EFHB: variants seen among roughly 807,000 people sequenced by gnomAD.
EFHB encodes EF-hand domain family member B.
A neutral mutation model predicts 87.2 loss-of-function variants in EFHB; 91 were observed. The observed-to-expected ratio is 1.04, with a 90% CI of 0.88 to 1.24. EFHB has a LOEUF of 1.24. Among genes scored for constraint, EFHB ranks in the 50% most tolerant of loss-of-function variants. The pLI, the probability that EFHB is intolerant of heterozygous loss-of-function variation, is 0.00. For missense variants in EFHB, 1,084 were observed against 998.8 expected (o/e 1.09, Z -1.15); for synonymous variants, 325 against 333.6 (o/e 0.97, Z 0.28).
At chr3:19,924,220 T>C (rs575606381) in intron 1 of EFHB, among the ~76,000 whole-genome samples, 46 of 151,430 alleles carry the variant, frequency 3.0e-4, no homozygotes, top group African/African-American at 9.9e-4. Context: ...CTCTCTCTTT[T>C]TTTTTTTTTT....
At chr3:19,935,063 A>G (rs1348149967), upstream of EFHB, among the ~76,000 whole-genome samples, 1 of 152,082 alleles carries the variant, frequency 6.6e-6, no homozygotes, top group Non-Finnish European at 1.5e-5. Flanking sequence ...GGCATGCGCC[A>G]CCATGCTAGG....
At chr3:19,939,333 A>G (rs1696095260) in intron 1 of EFHB, among the ~76,000 whole-genome samples, 1 of 140,116 alleles carries the variant, frequency 7.1e-6, no homozygotes, top group African/African-American at 2.7e-5. Context: ...ACTTCTTCCC[A>G]GTAGCACGTC....
chr3:19,945,024 T>G (rs545273478), intron 1 of EFHB, among the ~76,000 whole-genome samples: 1 of 152,178 alleles, frequency 6.6e-6, no homozygotes, highest in Non-Finnish European at 1.5e-5. Flanking sequence ...TATTGTGAAA[T>G]TACAGAAAAA....
chr3:19,920,492 T>G lies in EFHB; in HGVS notation c.852+13A>C. On this transcript the variant is annotated intron_variant, in intron 2 of 12. Transcript: ENST00000295824. ...TAAAAATAGAAATATAAAGGTATAT[T>G]GAAAGTGCTCACCCTGGGAAGTTTT... is the stretch of plus-strand genomic sequence containing the variant. 1 of 1,594,598 alleles carries G rather than the reference T, an allele frequency of 6.3e-7. No homozygotes were observed. Among genetic ancestry groups the G allele is most frequent in the Non-Finnish European group, 8.5e-7 (1 of 1,172,054 alleles).
Position 19,879,613 on chromosome 3 carries a change from G to A in EFHB, c.*18C>T, listed in dbSNP as rs761590979. ...GAGTTAATAATTCTTTTGCTTGAAT[G>A]AATGAAGTCCAAAAATATCACATGA... On this transcript the variant is annotated 3_prime_UTR_variant, in exon 13 of 13. Coordinates refer to ENST00000295824, the MANE Select transcript of EFHB (RefSeq NM_144715.4). 9 of 1,535,434 alleles carry A rather than the reference G, an allele frequency of 5.9e-6. No individual in the cohort carries two copies. Among genetic ancestry groups the A allele is most frequent in the Non-Finnish European group, 7.0e-6 (8 of 1,143,122 alleles).
chr3:19,907,945 T>C (rs929857438), intron 5 of EFHB, among the ~76,000 whole-genome samples: 1 of 152,204 alleles, frequency 6.6e-6, no homozygotes, highest in Non-Finnish European at 1.5e-5. Flanking sequence ...GATATTCTCA[T>C]ACTCTGGGTC....
chr3:19,926,525 G>T (rs1468914690), intron 1 of EFHB, among the ~76,000 whole-genome samples: 2 of 151,928 alleles, frequency 1.3e-5, no homozygotes, highest in Non-Finnish European at 2.9e-5. Context: ...CACCACACCT[G>T]GCTAATTTTT....
chr3:19,924,068 T>C (rs972932629), intron 1 of EFHB, among the ~76,000 whole-genome samples: 1 of 152,104 alleles, frequency 6.6e-6, no homozygotes, highest in Non-Finnish European at 1.5e-5. Context: ...CTTATCTCTT[T>C]AAAAAAATAA....
chr3:19,904,126 A>G (rs976164582), intron 6 of EFHB, among the ~76,000 whole-genome samples: 2 of 152,178 alleles, frequency 1.3e-5, no homozygotes, highest in Admixed American at 6.5e-5. Context: ...GCCTACGGAA[A>G]CCTAGAGGGC....
At chr3:19,923,972 C>G (rs1292804756) in intron 1 of EFHB, among the ~76,000 whole-genome samples, 1 of 152,122 alleles carries the variant, frequency 6.6e-6, no homozygotes, top group South Asian at 2.1e-4. Context: ...TGGCCCATGC[C>G]TATCATCCCA....
At chr3:19,939,060 C>T (rs1161490690), upstream of EFHB, among the ~76,000 whole-genome samples, 1 of 152,146 alleles carries the variant, frequency 6.6e-6, no homozygotes, top group African/African-American at 2.4e-5. Context: ...GCACCCGCCA[C>T]CATGCCCAGC....
At chr3:19,879,901 A>AAAAAAGTATGTGT in intron 12 of EFHB, 97 bp from the exon 13 acceptor site, 1 of 1,241,602 alleles carries the variant, frequency 8.1e-7, no homozygotes, top group African/African-American at 1.5e-5. Flanking sequence ...ATATTTTTCC[A>AAAAAAGTATGTGT]AAAAAGTATG....
At chr3:19,924,562 G>A (rs1013834683) in intron 1 of EFHB, among the ~76,000 whole-genome samples, 8 of 152,080 alleles carry the variant, frequency 5.3e-5, no homozygotes, top group East Asian at 1.9e-4. Flanking sequence ...CTATGTACTC[G>A]TGGATTTCTA....
chr3:19,896,601 C>A (rs1694490133), intron 9 of EFHB, 86 bp downstream of exon 9: 1 of 1,541,654 alleles, frequency 6.5e-7, no homozygotes. Context: ...GGCCCACAGG[C>A]TATAGTTTGC....
chr3:19,888,497 T>C lies in EFHB; in HGVS notation c.1880A>G (p.Asn627Ser). ...INYLEFANFLNWKDKMLLKEY... is the reference protein window; with the variant it reads ...INYLEFANFLSWKDKMLLKEY... ...TTTAAGAAGCATTTTGTCTTTCCAG[T>C]TAAGAAAATTTGCGAATTCCAGATA... Residue 627 changes from asparagine (N) to serine (S), a missense_variant, in exon 10 of 13, where the codon AAC becomes AGC. By Grantham distance (46) the Asn-to-Ser change is conservative. Transcript: ENST00000295824. The C allele has an allele frequency of 6.4e-7, 1 of 1,573,108 alleles. No homozygotes were observed. Among genetic ancestry groups the C allele is most frequent in the Non-Finnish European group, 8.6e-7 (1 of 1,157,192 alleles).
chr3:19,887,422 GTTAAATT>G (rs887335138), intron 10 of EFHB, among the ~76,000 whole-genome samples: 1 of 148,516 alleles, frequency 6.7e-6, no homozygotes, highest in Non-Finnish European at 1.5e-5. Context: ...AAATGCGAAA[GTTAAATT>G]TTAAAAAGCC....
At chr3:19,923,429 C>T (rs1028818483) in intron 1 of EFHB, among the ~76,000 whole-genome samples, 1 of 152,200 alleles carries the variant, frequency 6.6e-6, no homozygotes, top group Non-Finnish European at 1.5e-5. Flanking sequence ...CAGATGTCAG[C>T]TCACTGCAAC....
rs748999683 is a variant in EFHB at position 19,934,138 on chromosome 3, C to T, written c.-120G>A. 257 of 1,456,976 alleles carry T rather than the reference C, an allele frequency of 1.8e-4. No individual in the cohort carries two copies. Among genetic ancestry groups the T allele is most frequent in the Non-Finnish European group, 2.1e-4 (237 of 1,112,358 alleles). 90.3% of individuals were successfully genotyped at this position (1,456,976 alleles called of 1,614,324 possible). ...ACCCCTCTCTCAGGAAAGAGCACAA[C>T]CTCACTCGGACTCCCTGTCCATTGC... On this transcript the variant is annotated 5_prime_UTR_variant, in exon 1 of 13. Transcript: ENST00000295824.
chr3:19,910,578 T>C (rs2087107), intron 5 of EFHB, among the ~76,000 whole-genome samples: 60,143 of 152,042 alleles, frequency 0.4, 12,116 homozygotes, highest in African/African-American at 0.43. Context: ...CACCTGTTAA[T>C]TGTAGAGCCC....
Sources: allele counts gnomAD v4.1 joint callset (sites outside exome capture counted in the v4.1 genomes callset), GRCh38; gene constraint gnomAD v4.1.1; transcripts MANE v1.5; gene names NCBI Gene and HGNC (gene_info 2026-07-23, HGNC 2026-07-21).